CSMD1: variants seen among roughly 807,000 people sequenced by gnomAD.
CSMD1 encodes CUB and sushi domain-containing protein 1.
A neutral mutation model predicts 417.5 loss-of-function variants in CSMD1; 213 were observed. The ratio of observed to expected loss-of-function variants is 0.51; its 90% CI spans 0.46 to 0.57. The LOEUF (loss-of-function observed/expected upper bound fraction) is 0.57, where lower values mean the gene tolerates loss of function less well. CSMD1 is among the 20% of genes least tolerant of loss of function. The pLI is 0.00. For missense variants in CSMD1, 6,923 were observed against 4,529.7 expected, an observed-to-expected ratio of 1.53 and a Z score of -15.17; for synonymous variants, 2,862 against 1,736.8, an observed-to-expected ratio of 1.65 and a Z score of -16.11.
intron 3 of CSMD1, among the ~76,000 whole-genome samples, chr8:4,133,276 A>C (rs540909288): frequency 1.3e-5 from 2 of 152,296 alleles, no homozygotes; most frequent in African/African-American, 4.8e-5. Context: ...GACTTCAATA[A>C]AACTGATTTG....
chr8:4,952,672 T>A (rs1344227785), intron 1 of CSMD1, among the ~76,000 whole-genome samples: 2 of 152,056 alleles, frequency 1.3e-5, no homozygotes, highest in African/African-American at 2.4e-5. Context: ...TAAAAATCTA[T>A]CAGAAGCAAA....
At chr8:3,333,966 T>C (rs1807073864) in intron 23 of CSMD1, among the ~76,000 whole-genome samples, 1 of 152,298 alleles carries the variant, frequency 6.6e-6, no homozygotes, top group Admixed American at 6.5e-5. Context: ...CCCCTCAGCT[T>C]GTATAGGATT....
chr8:4,730,753 A>T (rs570969180), intron 1 of CSMD1, among the ~76,000 whole-genome samples: 10 of 120,392 alleles, frequency 8.3e-5, no homozygotes, highest in South Asian at 2.5e-4. Context: ...AAAAACAAAT[A>T]AAAAAAAAAA....
At chr8:4,453,453 G>C (rs746762824) in intron 2 of CSMD1, among the ~76,000 whole-genome samples, 29 of 152,164 alleles carry the variant, frequency 1.9e-4, no homozygotes, top group Non-Finnish European at 3.2e-4. Context: ...TGGTGCAGCA[G>C]CAAGAACGGT....
At chr8:3,640,352 A>T (rs1797247831) in intron 7 of CSMD1, among the ~76,000 whole-genome samples, 2 of 152,236 alleles carry the variant, frequency 1.3e-5, no homozygotes, top group Non-Finnish European at 2.9e-5. Flanking sequence ...ATCCATTTGT[A>T]GTTTATTGAA....
chr8:3,580,645 G>A (rs9644273), intron 9 of CSMD1, among the ~76,000 whole-genome samples: 5,449 of 152,146 alleles, frequency 0.036, 279 homozygotes, highest in East Asian at 0.14. Context: ...AAAGCTTCAG[G>A]AGTCAGGAAA....
chr8:4,316,675 A>T (rs943484257), intron 3 of CSMD1, among the ~76,000 whole-genome samples: 1 of 152,038 alleles, frequency 6.6e-6, no homozygotes, highest in African/African-American at 2.4e-5. Flanking sequence ...ACTCAAATGC[A>T]AACTAAGGGG....
chr8:3,803,770 G>A (rs983056861), intron 5 of CSMD1, among the ~76,000 whole-genome samples: 2 of 152,180 alleles, frequency 1.3e-5, no homozygotes, highest in African/African-American at 4.8e-5. Context: ...GAAGTAATTT[G>A]AGTAACATTT....
At chr8:4,415,845 G>A (rs116294592) in intron 3 of CSMD1, among the ~76,000 whole-genome samples, 4,306 of 152,238 alleles carry the variant, frequency 0.028, 98 homozygotes, top group African/African-American at 0.066. Flanking sequence ...GTGTGTATAC[G>A]TAAATAAACG....
intron 1 of CSMD1, among the ~76,000 whole-genome samples, chr8:4,959,663 C>G (rs778778035): frequency 6.6e-6 from 1 of 152,224 alleles, no homozygotes; most frequent in Non-Finnish European, 1.5e-5. Flanking sequence ...AGCGTATTAT[C>G]TAGCTTGTCT....
intron 2 of CSMD1, among the ~76,000 whole-genome samples, chr8:4,506,025 G>A (rs1035135480): frequency 6.6e-6 from 1 of 151,762 alleles, no homozygotes; most frequent in African/African-American, 2.4e-5. Flanking sequence ...CTCAAACTCT[G>A]CCCCAAACAT....
chr8:3,130,801 C>A (rs1454989826), intron 41 of CSMD1, among the ~76,000 whole-genome samples: 1 of 152,170 alleles, frequency 6.6e-6, no homozygotes, highest in East Asian at 1.9e-4. Flanking sequence ...GCAGGCACCA[C>A]TAACACAGCT....
chr8:4,920,226 CAA>C (rs1281737124), intron 1 of CSMD1, among the ~76,000 whole-genome samples: 1 of 152,082 alleles, frequency 6.6e-6, no homozygotes, highest in Admixed American at 6.5e-5. Flanking sequence ...TCTTCACCCC[CAA>C]ATCTACTCAG....
At chr8:3,303,626 A>C (rs956513706) in intron 25 of CSMD1, among the ~76,000 whole-genome samples, 4 of 152,246 alleles carry the variant, frequency 2.6e-5, no homozygotes, top group Admixed American at 2.0e-4. Context: ...CTGGCAGAAA[A>C]GCAATTAAAG....
chr8:4,938,790 C>T (rs530529560), intron 1 of CSMD1, among the ~76,000 whole-genome samples: 1 of 152,208 alleles, frequency 6.6e-6, no homozygotes, highest in African/African-American at 2.4e-5. Context: ...CAGGGGAATG[C>T]TTTTTTATAT....
intron 4 of CSMD1, among the ~76,000 whole-genome samples, chr8:4,026,040 C>T (rs1797048700): frequency 6.6e-6 from 1 of 151,182 alleles, no homozygotes. Flanking sequence ...TCAACCAGTT[C>T]CTGCAAATAA....
At chr8:4,932,770 T>C (rs182295893) in intron 1 of CSMD1, among the ~76,000 whole-genome samples, 2 of 152,280 alleles carry the variant, frequency 1.3e-5, no homozygotes, top group Admixed American at 1.3e-4. Context: ...TACACTGACT[T>C]AAAGGTAAAT....
chr8:3,052,772 T>C (rs1212669868), intron 49 of CSMD1, 125 bp from the exon 50 acceptor site: 1 of 604,750 alleles, frequency 1.7e-6, no homozygotes, highest in Non-Finnish European at 2.4e-6. Context: ...ATTATATTTC[T>C]TTTTTTTTCT....
chr8:3,882,837 G>C (rs1291066909), intron 5 of CSMD1, among the ~76,000 whole-genome samples: 1 of 152,162 alleles, frequency 6.6e-6, no homozygotes, highest in Non-Finnish European at 1.5e-5. Context: ...ATTAGTCAAT[G>C]CTGTCAGAAG....
Sources: allele counts gnomAD v4.1 joint callset (sites outside exome capture counted in the v4.1 genomes callset), GRCh38; gene constraint gnomAD v4.1.1; transcripts MANE v1.5; gene names NCBI Gene and HGNC (gene_info 2026-07-23, HGNC 2026-07-21).